PSMG1: variants seen among roughly 807,000 people sequenced by gnomAD.
PSMG1 encodes the protein Down syndrome critical region gene 2.
Under a neutral mutation model 37.2 loss-of-function variants are expected in PSMG1, and 23 were observed. The ratio of observed to expected loss-of-function variants is 0.62; its 90% CI spans 0.44 to 0.88. The LOEUF (loss-of-function observed/expected upper bound fraction) is 0.88, where lower values mean the gene tolerates loss of function less well. Among genes scored for constraint, PSMG1 ranks in the 40% least tolerant of loss-of-function variants. The pLI is 0.00. For synonymous variants in PSMG1, 127 were observed against 128.0 expected (o/e 0.99, Z 0.05); for missense variants, 340 against 344.2 (o/e 0.99, Z 0.10).
chr21:39,178,482 G>A lies in PSMG1; in HGVS notation c.622C>T (p.Gln208Ter). The A allele has an allele frequency of 6.2e-7, 1 of 1,614,034 alleles. No homozygotes were observed. The highest frequency in any genetic ancestry group is 8.5e-7 in the Non-Finnish European group (1 of 1,179,934). ...KDSACCPLLE[Q>*]PNIVHDLPAA... is the part of the protein sequence containing the mutation. ...GGAAGGTCGTGTACTATATTCGGTT[G>A]TTCTAGCAATGGACAACACGCCGAG... The change falls in exon 5 of 7, where the codon CAA becomes TAA. Residue 208 changes from glutamine (Q) to a stop codon, truncating the protein, a stop_gained. Transcript: ENST00000331573. LOFTEE classifies it high-confidence loss of function.
chr21:39,178,805 C>A, intron 4 of PSMG1, 158 bp from the exon 5 acceptor site: 1 of 704,798 alleles, frequency 1.4e-6, no homozygotes. Context: ...GCTGTCACAA[C>A]CTGGGTTTGA....
rs759131553 is a variant in PSMG1 at position 39,183,388 on chromosome 21, C to G, written c.-3G>C. On this transcript the variant is annotated 5_prime_UTR_variant, in exon 1 of 7. Transcript: ENST00000331573. ...TCTCCGAAGAACGTGGCCGCCATAG[C>G]CGCCCCGTGACCGGCTGGACACAAC... 3 of 1,576,418 alleles carry G rather than the reference C, an allele frequency of 1.9e-6. No homozygotes were observed. The highest frequency in any genetic ancestry group is 3.5e-5 in the Admixed American group (2 of 56,396).
At chr21:39,179,279 A>G (rs2030737344) in intron 4 of PSMG1, among the ~76,000 whole-genome samples, 1 of 152,134 alleles carries the variant, frequency 6.6e-6, no homozygotes, top group African/African-American at 2.4e-5. Flanking sequence ...TAGCAACACA[A>G]GAATAGATGA....
intron 6 of PSMG1, among the ~76,000 whole-genome samples, chr21:39,176,945 C>T (rs1011211496): frequency 3.0e-4 from 46 of 152,110 alleles, no homozygotes; most frequent in Non-Finnish European, 1.2e-4. Context: ...TTTTCATGTA[C>T]GTGTTCCAAT....
chr21:39,179,789 T>C (rs1255220468), intron 4 of PSMG1, 135 bp downstream of exon 4: 4 of 804,694 alleles, frequency 5.0e-6, no homozygotes, highest in Non-Finnish European at 7.5e-6. Flanking sequence ...ATTCTTTATA[T>C]TCCAAAAGAA....
At chr21:39,179,831 T>A (rs73221189) in intron 4 of PSMG1, 93 bp downstream of exon 4, 358 of 1,023,350 alleles carry the variant, frequency 3.5e-4, no homozygotes, top group Non-Finnish European at 4.8e-4. Context: ...AATAAATATC[T>A]GACTGCATAA....
intron 1 of PSMG1, among the ~76,000 whole-genome samples, chr21:39,182,518 T>C (rs947608421): frequency 2.0e-5 from 3 of 152,146 alleles, no homozygotes; most frequent in Admixed American, 6.5e-5. Context: ...ACTGGAAAAT[T>C]AGTATTAGTG....
intron 2 of PSMG1, 103 bp downstream of exon 2, chr21:39,181,669 G>T: frequency 1.4e-6 from 1 of 724,506 alleles, no homozygotes; most frequent in African/African-American, 1.9e-5. Flanking sequence ...ACTCTACTGT[G>T]GCTTTTTAAA....
intron 1 of PSMG1, 28 bp downstream of exon 1, chr21:39,183,224 G>C (rs779241321): frequency 6.5e-7 from 1 of 1,543,902 alleles, no homozygotes; most frequent in South Asian, 1.2e-5. Flanking sequence ...GCTGCGGTGA[G>C]CGCGCTGCCC....
At position 39,180,403 on chromosome 21, in the gene PSMG1, A is replaced by G. The variant is rs777266146; in HGVS notation, c.275T>C (p.Val92Ala). ...TTTAGCACAACCAACTTCCTCCCAG[A>G]CTCCTGAATTCATAACAAATGATGA... Reference protein sequence around the residue: ...FLSSFVMNSGVWEEVGCAKLW... With the variant: ...FLSSFVMNSGAWEEVGCAKLW... The change falls in exon 3 of 7, where the codon GTC becomes GCC. Residue 92 changes from valine (V) to alanine (A), a missense_variant. Transcript: ENST00000331573. 1.7e-5 allele frequency: 28 copies of G among 1,604,924 alleles called. No individual in the cohort carries two copies. Among genetic ancestry groups the G allele is most frequent in the Non-Finnish European group, 1.8e-5 (21 of 1,176,216 alleles).
Position 39,177,471 on chromosome 21 carries a change from A to T in PSMG1, c.756T>A (p.Pro252=). 4 of 1,605,232 alleles carry T rather than the reference A, an allele frequency of 2.5e-6. No individual in the cohort carries two copies. Among genetic ancestry groups the T allele is most frequent in the Non-Finnish European group, 3.4e-6 (4 of 1,176,882 alleles). The change falls in exon 6 of 7, where the codon CCT becomes CCA. Residue 252 remains proline (P), a synonymous_variant. Transcript: ENST00000331573. ...LDLITVEAFK[P]ILSTRSLKGL... ...CCTTCAAGCTTCTGGTAGAAAGTATAGGCTTAAAAGCTTCCACTGTGATTA... is the reference window on the plus strand; with the variant it reads ...CCTTCAAGCTTCTGGTAGAAAGTATTGGCTTAAAAGCTTCCACTGTGATTA...
intron 1 of PSMG1, 190 bp downstream of exon 1, chr21:39,183,062 A>G (rs1456005153): frequency 7.3e-6 from 5 of 687,482 alleles, no homozygotes; most frequent in East Asian, 6.8e-5. Context: ...AACCACACAC[A>G]CCTGGGGCTG....
intron 5 of PSMG1, among the ~76,000 whole-genome samples, chr21:39,177,833 G>A (rs1458480560): frequency 2.0e-5 from 3 of 152,036 alleles, no homozygotes; most frequent in Non-Finnish European, 4.4e-5. Flanking sequence ...GTAGCTGAAA[G>A]ATTAAAATTC....
At chr21:39,182,116 C>T (rs144301094) in intron 1 of PSMG1, among the ~76,000 whole-genome samples, 58 of 152,326 alleles carry the variant, frequency 3.8e-4, no homozygotes, top group Non-Finnish European at 7.2e-4. Context: ...ACCCAAGAAC[C>T]AATCTTAGCA....
Position 39,177,652 on chromosome 21 carries a change from C to T in PSMG1, c.656-81G>A, listed in dbSNP as rs530044209. The T allele has an allele frequency of 7.8e-5, 88 of 1,131,458 alleles. 2 individuals are homozygous for T. The South Asian group carries it at 1.9e-3, about 24-fold the overall frequency. 70.1% of individuals were successfully genotyped at this position (1,131,458 alleles called of 1,614,324 possible). A position where few individuals can be genotyped will look rare whatever the true frequency, so the allele number is the denominator to read the frequency against. On this transcript the variant is annotated intron_variant, in intron 5 of 6. Transcript: ENST00000331573. ...ATTAAACACCTTTAAATAATAAAGG[C>T]TGTTGTTAAAAGTAGTTATCTCAGC...
intron 1 of PSMG1, 68 bp downstream of exon 1, chr21:39,183,184 G>C: frequency 6.9e-7 from 1 of 1,442,284 alleles, no homozygotes; most frequent in Non-Finnish European, 9.1e-7. Flanking sequence ...CTTAGGCGCC[G>C]TCGCGGCTGC....
In PSMG1 at chr21:39,183,419, C is replaced by T. The variant is rs769563506; in HGVS notation, c.-34G>A. 3 of 1,551,436 alleles carry T rather than the reference C, an allele frequency of 1.9e-6. No homozygotes were observed. Among genetic ancestry groups the T allele is most frequent in the South Asian group, 1.2e-5 (1 of 84,908 alleles). On this transcript the variant is annotated 5_prime_UTR_variant, in exon 1 of 7. Transcript: ENST00000331573. ...CGTGACCGGCTGGACACAACTGCAGCGCCGCGGGACCGCACGCCGGCTTGC... is the reference window on the plus strand; with the variant it reads ...CGTGACCGGCTGGACACAACTGCAGTGCCGCGGGACCGCACGCCGGCTTGC...
intron 1 of PSMG1, among the ~76,000 whole-genome samples, chr21:39,182,326 G>A (rs2030866233): frequency 6.6e-6 from 1 of 152,190 alleles, no homozygotes; most frequent in Non-Finnish European, 1.5e-5. Flanking sequence ...GAGTGTGGGG[G>A]CACTGGACAA....
chr21:39,182,978 G>A (rs77368384), intron 1 of PSMG1: 196 of 405,422 alleles, frequency 4.8e-4, no homozygotes, highest in African/African-American at 3.6e-3. Context: ...AGCCTTTAAA[G>A]AACGGATTTG....
Sources: allele counts gnomAD v4.1 joint callset (sites outside exome capture counted in the v4.1 genomes callset), GRCh38; gene constraint gnomAD v4.1.1; transcripts MANE v1.5; gene names NCBI Gene and HGNC (gene_info 2026-07-23, HGNC 2026-07-21).